The following SBNO2 variants were observed in gnomAD, a reference collection of about 807,000 sequenced individuals.
SBNO2 encodes strawberry notch homolog 2.
In SBNO2, 89 loss-of-function variants were observed where a neutral mutation model predicts 146.3. That is an observed-to-expected ratio of 0.61 (90% CI 0.51 to 0.73). The LOEUF (loss-of-function observed/expected upper bound fraction) is 0.73, where lower values mean the gene tolerates loss of function less well. SBNO2 is among the 30% of genes least tolerant of loss of function. SBNO2 has a pLI of 0.00. For missense variants in SBNO2, 2,092 were observed against 2,003.7 expected, an observed-to-expected ratio of 1.04 and a Z score of -0.84; for synonymous variants, 1,147 against 892.6, an observed-to-expected ratio of 1.29 and a Z score of -5.08.
In SBNO2 at chr19:1,110,660, G is replaced by A; in HGVS notation, c.3028+85C>T. 5 of 1,468,344 alleles carry A rather than the reference G, an allele frequency of 3.4e-6. No homozygotes were observed. In the South Asian group the frequency reaches 4.0e-5, roughly 12 times the overall value. The allele number at this position is 1,468,344 out of a possible 1,614,324, so 91.0% of individuals were successfully genotyped here. A position where few individuals can be genotyped will look rare whatever the true frequency, so the allele number is the denominator to read the frequency against. On this transcript the variant is annotated intron_variant, in intron 26 of 31. Transcript: ENST00000361757. The surrounding 1 kb of genome is among the most constrained non-coding windows in gnomAD (Gnocchi z 4.9). The stretch of plus-strand genomic sequence containing the variant: ...CCCGGGATGCCCGGTGTTCCCACGA[G>A]CCCCGAGCCCACCCAGGATGCATGG...
chr19:1,110,580 CCACGAGCCCCTCG>C lies in SBNO2; in HGVS notation c.3028+152_3028+164del. 1.3e-6 allele frequency: 1 copy of C among 783,194 alleles called. No individual in the cohort carries two copies. The highest frequency in any genetic ancestry group is 2.7e-5 in the South Asian group (1 of 37,424). The allele number at this position is 783,194 out of a possible 1,614,324, so 48.5% of individuals were successfully genotyped here. On this transcript the variant is annotated intron_variant, in intron 26 of 31. Transcript: ENST00000361757. This position sits in a 1 kb window ranked among gnomAD's most constrained non-coding sequence, Gnocchi z 4.9. The stretch of plus-strand genomic sequence containing the variant: ...AGCCCACCTGGGATGCCCGGCGTTC[CCACGAGCCCCTCG>C]CCCACCCGGGATGCACGGTGTTCCC...
chr19:1,121,354 T>C (rs2079898977), intron 11 of SBNO2, among the ~76,000 whole-genome samples: 1 of 152,178 alleles, frequency 6.6e-6, no homozygotes, highest in Non-Finnish European at 1.5e-5. Context: ...TGCACATAGA[T>C]TGTTCAGCCG....
chr19:1,111,862 A>G (rs2079765331), intron 23 of SBNO2, 134 bp downstream of exon 23: 3 of 902,524 alleles, frequency 3.3e-6, no homozygotes, highest in Admixed American at 4.8e-5. Context: ...GGGGTCCTAG[A>G]CCCGGCCCTC....
chr19:1,136,457 A>T lies in SBNO2; in HGVS notation c.280-8692T>A, dbSNP rs548397861. On this transcript the variant is annotated intron_variant, in intron 4 of 31. Coordinates refer to ENST00000361757, the MANE Select transcript of SBNO2 (RefSeq NM_014963.3). This position sits in a 1 kb window ranked among gnomAD's most constrained non-coding sequence, Gnocchi z 4.2. The stretch of plus-strand genomic sequence containing the variant: ...AGCTTCCTGCTGAGTCTCCCTCTCT[A>T]AGGCTGTCTGTGGGCGGCTCTGCCG... Among the ~76,000 whole-genome samples, 10 of 152,126 alleles carry T rather than the reference A, an allele frequency of 6.6e-5. No homozygotes were observed. Among genetic ancestry groups the T allele is most frequent in the African/African-American group, 2.4e-4 (10 of 41,526 alleles).
chr19:1,154,800 G>A lies in SBNO2; in HGVS notation c.-126-398C>T, dbSNP rs535282692. 2.1e-3 allele frequency among the ~76,000 whole-genome samples: 320 copies of A among 152,220 alleles called. 1 individual carries two copies. The highest frequency in any genetic ancestry group is 7.6e-3 in the African/African-American group (314 of 41,544). ...TGGAGGGAGAGTCCAACCCGGGCCC[G>A]GCACCCAGGGGAGCCCAGGGGACAC... On this transcript the variant is annotated intron_variant, in intron 1 of 31. Coordinates refer to ENST00000361757, the MANE Select transcript of SBNO2 (RefSeq NM_014963.3).
chr19:1,153,891 C>A (rs76334536), intron 2 of SBNO2, among the ~76,000 whole-genome samples: 7 of 152,118 alleles, frequency 4.6e-5, no homozygotes, highest in Admixed American at 2.0e-4. Context: ...AAAGTTGAGC[C>A]CCCCCTACAG....
Position 1,108,405 on chromosome 19 carries a change from GGTGCGCGAGGGCCGCAGGGT to G in SBNO2, c.3896_3915del (p.Asp1299AlafsTer66). 7.8e-7 allele frequency: 1 copy of G among 1,277,806 alleles called. No individual in the cohort carries two copies. Among genetic ancestry groups the G allele is most frequent in the Non-Finnish European group, 9.9e-7 (1 of 1,006,802 alleles). The allele number at this position is 1,277,806 out of a possible 1,614,324, so 79.2% of individuals were successfully genotyped here. On this transcript the variant is annotated frameshift_variant, in exon 32 of 32. Transcript: ENST00000361757. LOFTEE classifies it low-confidence loss of function (END_TRUNC). ...TCCTTGAAGTTGATGTCGCAGCCCT[GGTGCGCGAGGGCCGCAGGGT>G]CGGCCTGGGCGTCGGGGGTGCCCAG... is the stretch of plus-strand genomic sequence containing the variant.
rs2079715695 is a variant in SBNO2, at chr19:1,109,011, G to A, written c.3426-42C>T. ...TCGTCTCGGCTCAGGCGGGTCCCAG[G>A]GGCCCGCAGGCTCCCCAGGTGCCCT... On this transcript the variant is annotated intron_variant, in intron 30 of 31. Transcript: ENST00000361757. This position sits in a 1 kb window ranked among gnomAD's most constrained non-coding sequence, Gnocchi z 4.2. 3 of 1,487,624 alleles carry A rather than the reference G, an allele frequency of 2.0e-6. No individual in the cohort carries two copies. Among genetic ancestry groups the A allele is most frequent in the African/African-American group, 1.4e-5 (1 of 71,544 alleles). 92.2% of individuals were successfully genotyped at this position (1,487,624 alleles called of 1,614,324 possible).
At position 1,112,608 on chromosome 19, in the gene SBNO2, C is replaced by T; in HGVS notation, c.2380-71G>A. The T allele has an allele frequency of 6.7e-7, 1 of 1,491,980 alleles. No homozygotes were observed. The highest frequency in any genetic ancestry group is 8.9e-7 in the Non-Finnish European group (1 of 1,123,170). 92.4% of individuals were successfully genotyped at this position (1,491,980 alleles called of 1,614,324 possible). A position where few individuals can be genotyped will look rare whatever the true frequency, so the allele number is the denominator to read the frequency against. ...CCCAGCGTTGCCGCCACCTCCTCAC[C>T]CACTAGGCCCCCGCTCCAGGTCACC... On this transcript the variant is annotated intron_variant, in intron 20 of 31. Coordinates refer to ENST00000361757, the MANE Select transcript of SBNO2 (RefSeq NM_014963.3). The surrounding 1 kb of genome is among the most constrained non-coding windows in gnomAD (Gnocchi z 5.9).
At chr19:1,123,085 C>A in intron 7 of SBNO2, 40 bp from the exon 8 acceptor site, 1 of 1,577,748 alleles carries the variant, frequency 6.3e-7, no homozygotes, top group Non-Finnish European at 8.6e-7. Flanking sequence ...AAGGGTATGG[C>A]CAAGGGGTGA....
chr19:1,170,972 C>T (rs1003998141), intron 1 of SBNO2, among the ~76,000 whole-genome samples: 1 of 151,826 alleles, frequency 6.6e-6, no homozygotes, highest in African/African-American at 2.4e-5. Flanking sequence ...CACCAAAATA[C>T]ACACACACAA....
chr19:1,125,895 G>A lies in SBNO2; in HGVS notation c.441+1709C>T, dbSNP rs543113070. 1.3e-3 allele frequency among the ~76,000 whole-genome samples: 202 copies of A among 152,210 alleles called. 2 individuals carry two copies. The highest frequency in any genetic ancestry group is 4.6e-3 in the African/African-American group (192 of 41,520). On this transcript the variant is annotated intron_variant, in intron 5 of 31. Coordinates refer to ENST00000361757, the MANE Select transcript of SBNO2 (RefSeq NM_014963.3). ...TATGGACCCAGCTACTCGAGAGGCT[G>A]AGGCAGGAGGATCGCTTTAACCCAG...
At chr19:1,143,063 T>A (rs1368910527) in intron 4 of SBNO2, among the ~76,000 whole-genome samples, 2 of 152,124 alleles carry the variant, frequency 1.3e-5, no homozygotes, top group African/African-American at 4.8e-5. Context: ...TACCAATCCC[T>A]CCAGGTTTAT....
At chr19:1,142,559 A>G (rs2080151360) in intron 4 of SBNO2, among the ~76,000 whole-genome samples, 1 of 152,062 alleles carries the variant, frequency 6.6e-6, no homozygotes, top group African/African-American at 2.4e-5. Context: ...GCACACCTAT[A>G]ATCCCAGCTA....
At chr19:1,120,631 A>G (rs2145219314) in intron 11 of SBNO2, among the ~76,000 whole-genome samples, 1 of 152,122 alleles carries the variant, frequency 6.6e-6, no homozygotes. Flanking sequence ...TCAGCCTCCC[A>G]AAGTGCTGGG....
At chr19:1,131,900 C>T (rs1032691908) in intron 4 of SBNO2, among the ~76,000 whole-genome samples, 3 of 152,228 alleles carry the variant, frequency 2.0e-5, no homozygotes, top group Non-Finnish European at 4.4e-5. Context: ...CGGAACCTTC[C>T]GGCAGATTCC....
At chr19:1,163,788 T>C (rs1327578470) in intron 1 of SBNO2, among the ~76,000 whole-genome samples, 1 of 152,088 alleles carries the variant, frequency 6.6e-6, no homozygotes, top group Non-Finnish European at 1.5e-5. Flanking sequence ...CAATTTAGGA[T>C]GAGGACGAGG....
intron 31 of SBNO2, 28 bp downstream of exon 31, chr19:1,108,751 C>T (rs780249690): frequency 8.2e-6 from 13 of 1,592,256 alleles, no homozygotes; most frequent in South Asian, 7.8e-5. Context: ...GGGCTCGGGC[C>T]TTCCCGGGGC....
chr19:1,111,186 G>C lies in SBNO2; in HGVS notation c.2810-93C>G, dbSNP rs545673330. The C allele has an allele frequency of 7.3e-5, 102 of 1,389,800 alleles. 1 individual carries two copies. In the South Asian group the frequency reaches 1.2e-3, roughly 16 times the overall value. The allele number at this position is 1,389,800 out of a possible 1,614,324, so 86.1% of individuals were successfully genotyped here. ...TTTTCCAGAGACCAGCAGCTCCCTG[G>C]GGGGCTGGGGAGCAGCTGCAGCCTA... is the stretch of plus-strand genomic sequence containing the variant. On this transcript the variant is annotated intron_variant, in intron 24 of 31. Coordinates refer to ENST00000361757, the MANE Select transcript of SBNO2 (RefSeq NM_014963.3).
Sources: allele counts gnomAD v4.1 joint callset (sites outside exome capture counted in the v4.1 genomes callset), GRCh38; gene constraint gnomAD v4.1.1; non-coding constraint Gnocchi (gnomAD v3.1); transcripts MANE v1.5; gene names NCBI Gene and HGNC (gene_info 2026-07-23, HGNC 2026-07-21).